Variants in MIPOL1 observed in about 807,000 individuals in gnomAD.
MIPOL1 encodes the protein mirror-image polydactyly gene 1 protein.
Under a neutral mutation model 60.9 loss-of-function variants are expected in MIPOL1, and 57 were observed. The ratio of observed to expected loss-of-function variants is 0.94; its 90% CI spans 0.76 to 1.17. The LOEUF is 1.17. Among genes scored for constraint, MIPOL1 ranks in the 50% most tolerant of loss-of-function variants. The pLI is 0.00. For missense variants in MIPOL1, 551 were observed against 511.6 expected, an observed-to-expected ratio of 1.08 and a Z score of -0.74; for synonymous variants, 179 against 168.8, an observed-to-expected ratio of 1.06 and a Z score of -0.47.
chr14:37,259,230 C>A (rs1473803387), intron 3 of MIPOL1, among the ~76,000 whole-genome samples: 1 of 152,022 alleles, frequency 6.6e-6, no homozygotes, highest in Non-Finnish European at 1.5e-5. Flanking sequence ...TTTTTGACTT[C>A]TCTTCAATAT....
chr14:37,398,202 G>C (rs1449979444), intron 10 of MIPOL1, among the ~76,000 whole-genome samples: 1 of 152,078 alleles, frequency 6.6e-6, no homozygotes. Flanking sequence ...CTCAGCTCCA[G>C]GTAATTTCGG....
intron 9 of MIPOL1, among the ~76,000 whole-genome samples, chr14:37,340,327 T>C (rs1275319668): frequency 6.6e-6 from 1 of 152,204 alleles, no homozygotes; most frequent in African/African-American, 2.4e-5. Context: ...AAAGAAAAGA[T>C]TTTTGTACAT....
chr14:37,459,139 G>C (rs1003089477), intron 11 of MIPOL1, among the ~76,000 whole-genome samples: 3 of 151,806 alleles, frequency 2.0e-5, no homozygotes, highest in East Asian at 1.9e-4. Context: ...TAAATCCAAA[G>C]CTAGCAGAAG....
chr14:37,339,449 T>C (rs1378899236), intron 9 of MIPOL1, among the ~76,000 whole-genome samples: 2 of 152,188 alleles, frequency 1.3e-5, no homozygotes, highest in Non-Finnish European at 2.9e-5. Flanking sequence ...ATTCCATTTC[T>C]AGGTCTTTAC....
At chr14:37,295,545 G>C (rs538502656) in intron 7 of MIPOL1, among the ~76,000 whole-genome samples, 2 of 152,168 alleles carry the variant, frequency 1.3e-5, no homozygotes, top group South Asian at 4.2e-4. Flanking sequence ...TCAGTATGCT[G>C]TATCAGGAAA....
At chr14:37,468,991 T>C (rs2094639449) in intron 11 of MIPOL1, among the ~76,000 whole-genome samples, 1 of 152,088 alleles carries the variant, frequency 6.6e-6, no homozygotes, top group Admixed American at 6.6e-5. Context: ...TTTAAGAAAT[T>C]TGGACTTTAT....
rs60919541 is a variant in MIPOL1, at chr14:37,200,900, A to AT, written c.-199+2816dup. Among the ~76,000 whole-genome samples the AT allele has an allele frequency of 7.5e-3, 407 of 53,928 alleles. 36 individuals are homozygous for AT. The highest frequency in any genetic ancestry group is 0.023 in the African/African-American group (347 of 15,096). The allele number at this position is 53,928 out of a possible 152,430, so 35.4% of individuals were successfully genotyped here. On this transcript the variant is annotated intron_variant, in intron 1 of 12. Coordinates refer to ENST00000684589, the MANE Select transcript of MIPOL1 (RefSeq NM_001388067.1). ...TGTGTGTGTGTGTGTGTGTGTGTGT[A>AT]TTTTTTTTTTTTTTTTTTTTGAGAC...
chr14:37,468,557 A>G (rs1218742017), intron 11 of MIPOL1, among the ~76,000 whole-genome samples: 3 of 152,246 alleles, frequency 2.0e-5, no homozygotes, highest in Admixed American at 1.3e-4. Context: ...GGCATATGCA[A>G]ATCACAGATT....
intron 9 of MIPOL1, among the ~76,000 whole-genome samples, chr14:37,309,687 C>A (rs2153435156): frequency 6.7e-6 from 1 of 149,714 alleles, no homozygotes; most frequent in South Asian, 2.1e-4. Flanking sequence ...CTGACTCCAG[C>A]ATTTTTTTTT....
At chr14:37,333,115 A>G (rs2089858113) in intron 9 of MIPOL1, among the ~76,000 whole-genome samples, 1 of 152,190 alleles carries the variant, frequency 6.6e-6, no homozygotes, top group Admixed American at 6.5e-5. Flanking sequence ...TGGCATTAAT[A>G]AATCTTTACC....
chr14:37,328,009 T>C (rs902739181), intron 9 of MIPOL1, among the ~76,000 whole-genome samples: 4 of 149,182 alleles, frequency 2.7e-5, no homozygotes, highest in African/African-American at 9.7e-5. Context: ...TTGCAGAAAA[T>C]TTTCTGTTTT....
At chr14:37,535,773 A>G (rs1203448159) in intron 12 of MIPOL1, among the ~76,000 whole-genome samples, 2 of 152,250 alleles carry the variant, frequency 1.3e-5, no homozygotes, top group African/African-American at 4.8e-5. Flanking sequence ...GCATAAATGA[A>G]TGAATGACAG....
chr14:37,267,253 C>T (rs941929699), intron 4 of MIPOL1, 84 bp downstream of exon 4: 7 of 993,472 alleles, frequency 7.0e-6, no homozygotes, highest in South Asian at 1.4e-5. Flanking sequence ...TTTGGGAGGA[C>T]GAGGTGGGTG....
At chr14:37,308,177 G>A (rs2086951950) in intron 8 of MIPOL1, 88 bp downstream of exon 8, 1 of 1,337,152 alleles carries the variant, frequency 7.5e-7, no homozygotes, top group African/African-American at 1.5e-5. Flanking sequence ...GAACTAAGAT[G>A]TGGGAAAAAG....
At chr14:37,332,496 C>A (rs982116619) in intron 9 of MIPOL1, among the ~76,000 whole-genome samples, 2 of 152,084 alleles carry the variant, frequency 1.3e-5, no homozygotes, top group Non-Finnish European at 2.9e-5. Flanking sequence ...GGAAGTCTTA[C>A]CTTTAACAAC....
intron 9 of MIPOL1, among the ~76,000 whole-genome samples, chr14:37,309,988 C>T (rs947863778): frequency 1.3e-5 from 2 of 152,042 alleles, no homozygotes; most frequent in Non-Finnish European, 2.9e-5. Context: ...CACGCCTGGC[C>T]TCAGCTTATT....
intron 3 of MIPOL1, among the ~76,000 whole-genome samples, chr14:37,257,268 A>G (rs1282085740): frequency 1.3e-5 from 2 of 152,026 alleles, no homozygotes; most frequent in Non-Finnish European, 2.9e-5. Flanking sequence ...GATAAACAGA[A>G]TATTTACCCA....
intron 12 of MIPOL1, among the ~76,000 whole-genome samples, chr14:37,526,936 T>G (rs2095451429): frequency 6.6e-6 from 1 of 152,150 alleles, no homozygotes; most frequent in Non-Finnish European, 1.5e-5. Context: ...TCACTACTAT[T>G]GAGTAAGTTG....
chr14:37,539,558 G>A (rs926107275), intron 12 of MIPOL1, among the ~76,000 whole-genome samples: 2 of 152,134 alleles, frequency 1.3e-5, no homozygotes, highest in Non-Finnish European at 2.9e-5. Context: ...CACTAGACAT[G>A]CCGAGAGAGT....
Sources: allele counts gnomAD v4.1 joint callset (sites outside exome capture counted in the v4.1 genomes callset), GRCh38; gene constraint gnomAD v4.1.1; transcripts MANE v1.5; gene names NCBI Gene and HGNC (gene_info 2026-07-23, HGNC 2026-07-21).